The following MED12L variants were observed in gnomAD, a reference collection of about 807,000 sequenced individuals.
The protein encoded by MED12L is mediator complex subunit 12L.
Under a neutral mutation model 281.3 loss-of-function variants are expected in MED12L, and 60 were observed. That is an observed-to-expected ratio of 0.21 (90% CI 0.17 to 0.26). The LOEUF (loss-of-function observed/expected upper bound fraction) is 0.26. Ranked by LOEUF, MED12L falls within the 10% of genes least tolerant of loss-of-function variation. MED12L has a pLI of 1.00. For synonymous variants in MED12L, 974 were observed against 987.2 expected (o/e 0.99, Z 0.25); for missense variants, 2,146 against 2,680.9 (o/e 0.80, Z 4.41).
In MED12L at chr3:151,193,384, G is replaced by A. The variant is rs370849914; in HGVS notation, c.2074-106G>A. 3,014 of 779,832 alleles carry A rather than the reference G, an allele frequency of 3.9e-3. 97 individuals carry two copies. The South Asian group carries it at 0.051, about 13-fold the overall frequency. 48.3% of individuals were successfully genotyped at this position (779,832 alleles called of 1,614,324 possible). A position where few individuals can be genotyped will look rare whatever the true frequency, so the allele number is the denominator to read the frequency against. On this transcript the variant is annotated intron_variant, in intron 15 of 44. Coordinates refer to ENST00000687756, the MANE Select transcript of MED12L (RefSeq NM_001393769.1). ...ATTTTTTTGCTAAGTGGTTAAGTAG[G>A]AAAAGGTGTATAAGTGTCTTATGTG...
At chr3:151,188,251 T>A in intron 12 of MED12L, 103 bp from the exon 13 acceptor site, 1 of 807,146 alleles carries the variant, frequency 1.2e-6, no homozygotes, top group East Asian at 2.7e-5. Context: ...TAATTTTACA[T>A]GTTTTACCTG....
chr3:151,209,818 G>A (rs1726878767), intron 16 of MED12L, among the ~76,000 whole-genome samples: 1 of 152,120 alleles, frequency 6.6e-6, no homozygotes, highest in South Asian at 2.1e-4. Context: ...GTGTGAGGGT[G>A]TTTTCTAGAA....
chr3:151,233,448 A>G (rs1031201856), intron 16 of MED12L, among the ~76,000 whole-genome samples: 3 of 152,202 alleles, frequency 2.0e-5, no homozygotes, highest in Non-Finnish European at 4.4e-5. Flanking sequence ...AGAACATAGC[A>G]CTGGGCCGGG....
At position 151,416,493 on chromosome 3, in the gene MED12L, A is replaced by C. The variant is rs917113690; in HGVS notation, c.6408+71A>C. On this transcript the variant is annotated intron_variant, in intron 43 of 44. Transcript: ENST00000687756. ...AAAGCAGGTTGCATTGTTCATGTTC[A>C]TAAGATTGTTAAGAATCGACAAAGC... is the stretch of plus-strand genomic sequence containing the variant. 3.3e-6 allele frequency: 5 copies of C among 1,516,280 alleles called. No individual in the cohort carries two copies. In the African/African-American group the frequency reaches 7.0e-5, roughly 21 times the overall value. The allele number at this position is 1,516,280 out of a possible 1,614,324, so 93.9% of individuals were successfully genotyped here.
chr3:151,132,055 G>A (rs989569514), intron 5 of MED12L, among the ~76,000 whole-genome samples: 15 of 152,062 alleles, frequency 9.9e-5, no homozygotes, highest in African/African-American at 3.6e-4. Flanking sequence ...TTAAAATTGT[G>A]AATATTAACT....
intron 2 of MED12L, 55 bp from the exon 3 acceptor site, chr3:151,116,283 G>T: frequency 1.6e-6 from 2 of 1,250,194 alleles, no homozygotes; most frequent in Non-Finnish European, 2.3e-6. Context: ...CAATATGTGG[G>T]ATTATGTTGA....
chr3:151,328,499 G>C, intron 16 of MED12L: 6 of 1,614,012 alleles, frequency 3.7e-6, no homozygotes, highest in Non-Finnish European at 5.1e-6. Flanking sequence ...CGATGGTGTT[G>C]CTTCCTTGTT....
intron 11 of MED12L, among the ~76,000 whole-genome samples, chr3:151,176,368 T>TC (rs11407083): frequency 0.076 from 11,532 of 152,114 alleles, 971 homozygotes; most frequent in East Asian, 0.21. Flanking sequence ...TGGCAAGAGG[T>TC]CCATTACTTG....
chr3:151,308,145 A>G (rs1308775581), intron 16 of MED12L, among the ~76,000 whole-genome samples: 1 of 152,198 alleles, frequency 6.6e-6, no homozygotes, highest in Non-Finnish European at 1.5e-5. Context: ...TTGCTTAAAC[A>G]TATTTCTTAA....
At chr3:151,202,392 T>G (rs1448403537) in intron 16 of MED12L, among the ~76,000 whole-genome samples, 1 of 152,232 alleles carries the variant, frequency 6.6e-6, no homozygotes, top group Non-Finnish European at 1.5e-5. Flanking sequence ...ATAAACTGGC[T>G]GGGCACAGTG....
chr3:151,366,323 T>G (rs1755262202), intron 23 of MED12L, among the ~76,000 whole-genome samples: 1 of 152,214 alleles, frequency 6.6e-6, no homozygotes. Context: ...CCTGGATTCC[T>G]CACAGCATGG....
intron 16 of MED12L, among the ~76,000 whole-genome samples, chr3:151,334,196 C>CTTTTTTTTTTTTTTTTTTTTTT (rs71138494): frequency 8.5e-6 from 1 of 118,230 alleles, no homozygotes; most frequent in Admixed American, 9.8e-5. Flanking sequence ...TTCTTTCTTT[C>CTTTTTTTTTTTTTTTTTTTTTT]TTTTTTTTTT....
intron 39 of MED12L, among the ~76,000 whole-genome samples, chr3:151,398,728 A>G (rs1259778086): frequency 1.3e-5 from 2 of 152,190 alleles, no homozygotes; most frequent in African/African-American, 4.8e-5. Context: ...CAGTAGTCCT[A>G]TCACCCTGCT....
At chr3:151,266,223 A>G (rs1345838069) in intron 16 of MED12L, among the ~76,000 whole-genome samples, 3 of 152,242 alleles carry the variant, frequency 2.0e-5, no homozygotes, top group Non-Finnish European at 2.9e-5. Context: ...AAATAAGTAG[A>G]TGTCCCTTCA....
intron 9 of MED12L, 139 bp from the exon 10 acceptor site, chr3:151,165,281 C>T (rs1720559459): frequency 2.3e-6 from 1 of 433,096 alleles, no homozygotes; most frequent in Non-Finnish European, 4.1e-6. Flanking sequence ...CTTATTGGGC[C>T]ACAGGCTGCA....
At chr3:151,318,245 A>C (rs1232153991) in intron 16 of MED12L, among the ~76,000 whole-genome samples, 1 of 152,070 alleles carries the variant, frequency 6.6e-6, no homozygotes, top group Non-Finnish European at 1.5e-5. Flanking sequence ...TAATGGCCTA[A>C]TCTTTTAAGA....
chr3:151,391,564 A>G (rs924714701), intron 38 of MED12L, among the ~76,000 whole-genome samples: 6 of 152,194 alleles, frequency 3.9e-5, no homozygotes, highest in African/African-American at 1.4e-4. Flanking sequence ...TAAAATACAC[A>G]AACAATAGGC....
At chr3:151,334,198 T>TTTTTTTTTTTTGCCA (rs1222735809) in intron 16 of MED12L, among the ~76,000 whole-genome samples, 1 of 144,582 alleles carries the variant, frequency 6.9e-6, no homozygotes, top group African/African-American at 2.5e-5. Flanking sequence ...CTTTCTTTCT[T>TTTTTTTTTTTTGCCA]TTTTTTTTTG....
chr3:151,198,326 T>C (rs2149131694), intron 16 of MED12L: 1 of 941,618 alleles, frequency 1.1e-6, no homozygotes, highest in Middle Eastern at 3.5e-4. Context: ...TATTTTTTCA[T>C]ACTGAGTTTT....
Sources: allele counts gnomAD v4.1 joint callset (sites outside exome capture counted in the v4.1 genomes callset), GRCh38; gene constraint gnomAD v4.1.1; transcripts MANE v1.5; gene names NCBI Gene and HGNC (gene_info 2026-07-23, HGNC 2026-07-21).